Variants in IKBKB-DT observed in about 807,000 individuals in gnomAD.
IKBKB-DT encodes IKBKB divergent transcript, also known as IKBKB antisense RNA.
chr8:42,239,189 C>T (rs770479489), intron 3 of IKBKB-DT, among the ~76,000 whole-genome samples: 1 of 152,012 alleles, frequency 6.6e-6, no homozygotes, highest in African/African-American at 2.4e-5. Context: ...GTCCATGGAT[C>T]AATCAAAAAA....
intron 3 of IKBKB-DT, among the ~76,000 whole-genome samples, chr8:42,236,544 T>A (rs1284490852): frequency 1.3e-5 from 2 of 152,174 alleles, no homozygotes; most frequent in African/African-American, 4.8e-5. Flanking sequence ...GGCGGGTGGA[T>A]CACCTGAGGT....
intron 3 of IKBKB-DT, among the ~76,000 whole-genome samples, chr8:42,239,614 T>TTTTTTATATATATATATATATATA (rs1554502579): frequency 5.0e-5 from 1 of 19,910 alleles, no homozygotes; most frequent in African/African-American, 1.4e-4. Flanking sequence ...AAAAGGCAAT[T>TTTTTTATATATATATATATATATA]TATATATATA....
chr8:42,245,822 C>T (rs918337471), intron 3 of IKBKB-DT, among the ~76,000 whole-genome samples: 5 of 152,168 alleles, frequency 3.3e-5, no homozygotes, highest in African/African-American at 1.2e-4. Context: ...GCCATTTCAC[C>T]TCCAGGAACT....
chr8:42,248,619 G>A (rs1037407433), intron 3 of IKBKB-DT, among the ~76,000 whole-genome samples: 5 of 152,244 alleles, frequency 3.3e-5, no homozygotes, highest in South Asian at 2.1e-4. Context: ...AGTGGCTCAT[G>A]TCTGTAATCC....
At chr8:42,235,988 A>C (rs1343718312) in intron 3 of IKBKB-DT, among the ~76,000 whole-genome samples, 1 of 152,104 alleles carries the variant, frequency 6.6e-6, no homozygotes, top group Non-Finnish European at 1.5e-5. Flanking sequence ...AGATCACACA[A>C]CTGCCCTCCA....
At chr8:42,240,482 G>A (rs781677723) in intron 3 of IKBKB-DT, among the ~76,000 whole-genome samples, 40 of 151,506 alleles carry the variant, frequency 2.6e-4, no homozygotes, top group African/African-American at 8.7e-4. Flanking sequence ...AACATTAGCC[G>A]GGCATGGTGG....
exon 2 of IKBKB-DT, chr8:42,266,353 C>T (rs758594748): frequency 2.0e-5 from 3 of 152,206 alleles, no homozygotes; most frequent in Non-Finnish European, 4.4e-5. Flanking sequence ...GTACAGAAAA[C>T]AATTCTTTCT....
intron 3 of IKBKB-DT, among the ~76,000 whole-genome samples, chr8:42,249,764 T>C (rs1807107088): frequency 6.6e-6 from 1 of 152,024 alleles, no homozygotes; most frequent in Non-Finnish European, 1.5e-5. Context: ...AAAGAAAACA[T>C]GTATTATTCT....
chr8:42,260,434 G>C (rs1056176461), intron 3 of IKBKB-DT, among the ~76,000 whole-genome samples: 1 of 152,092 alleles, frequency 6.6e-6, no homozygotes, highest in Non-Finnish European at 1.5e-5. Context: ...GGGAGGCTGA[G>C]GCGGGCAGAT....
At chr8:42,238,277 A>G (rs972371776) in intron 3 of IKBKB-DT, among the ~76,000 whole-genome samples, 4 of 152,212 alleles carry the variant, frequency 2.6e-5, no homozygotes, top group Non-Finnish European at 5.9e-5. Context: ...CGAGAGTGAG[A>G]GAAGTCTAGC....
chr8:42,266,212 G>T (rs1807367026), exon 2 of IKBKB-DT: 1 of 152,550 alleles, frequency 6.6e-6, no homozygotes, highest in Non-Finnish European at 1.5e-5. Context: ...TGAAAGAGTT[G>T]CTGAAATCGC....
At chr8:42,246,812 G>A (rs148547111) in intron 3 of IKBKB-DT, among the ~76,000 whole-genome samples, 61 of 152,286 alleles carry the variant, frequency 4.0e-4, no homozygotes, top group African/African-American at 1.4e-3. Flanking sequence ...GACCGGTTTC[G>A]TGGGAGACAA....
chr8:42,253,407 G>A (rs952252384), intron 3 of IKBKB-DT, among the ~76,000 whole-genome samples: 6 of 152,060 alleles, frequency 3.9e-5, no homozygotes, highest in African/African-American at 7.2e-5. Flanking sequence ...ACTCTTCATC[G>A]ATACTCTAAA....
At chr8:42,252,253 C>T (rs1268787545) in intron 3 of IKBKB-DT, among the ~76,000 whole-genome samples, 1 of 152,224 alleles carries the variant, frequency 6.6e-6, no homozygotes, top group African/African-American at 2.4e-5. Flanking sequence ...GTCTTGTGCC[C>T]TATGTAAATC....
chr8:42,258,823 T>G (rs1481980534), intron 3 of IKBKB-DT, among the ~76,000 whole-genome samples: 1 of 152,074 alleles, frequency 6.6e-6, no homozygotes, highest in Non-Finnish European at 1.5e-5. Flanking sequence ...CATACAAGTT[T>G]TGTTCTTTAC....
chr8:42,241,222 A>ATTTTTTTTT (rs1563274607), intron 3 of IKBKB-DT, among the ~76,000 whole-genome samples: 2 of 66,604 alleles, frequency 3.0e-5, no homozygotes, highest in African/African-American at 9.6e-5. Context: ...ATATGTTGGA[A>ATTTTTTTTT]TCTTTTTTTT....
intron 3 of IKBKB-DT, among the ~76,000 whole-genome samples, chr8:42,262,068 C>G (rs1002959228): frequency 6.7e-6 from 1 of 148,156 alleles, no homozygotes; most frequent in Non-Finnish European, 1.5e-5. Flanking sequence ...CCACATTTCA[C>G]CAGAGTCACT....
intron 3 of IKBKB-DT, among the ~76,000 whole-genome samples, chr8:42,242,571 G>A (rs1001161223): frequency 5.3e-5 from 8 of 152,156 alleles, no homozygotes; most frequent in African/African-American, 1.9e-4. Flanking sequence ...GGAGTGTACT[G>A]GTCCATGCTA....
At chr8:42,239,552 C>G (rs35663339) in intron 3 of IKBKB-DT, among the ~76,000 whole-genome samples, 4,843 of 141,250 alleles carry the variant, frequency 0.034, 293 homozygotes, top group African/African-American at 0.12. Flanking sequence ...TTTGTTTCTC[C>G]AAAACAAATA....
Sources: gnomAD v4.1 joint callset for allele counts (sites outside exome capture counted in the v4.1 genomes callset) on GRCh38, gnomAD v4.1.1 for gene constraint, MANE v1.5 for transcripts, NCBI Gene and HGNC (gene_info 2026-07-23, HGNC 2026-07-21) for gene names.